C12orf42: variants seen among roughly 807,000 people sequenced by gnomAD.
C12orf42 encodes the protein uncharacterized protein C12orf42.
A neutral mutation model predicts 21.6 loss-of-function variants in C12orf42; 25 were observed. That is an observed-to-expected ratio of 1.16 (90% confidence interval 0.84 to 1.62). The LOEUF is 1.62. Ranked by LOEUF, C12orf42 falls within the 40% of genes most tolerant of loss-of-function variation. The probability of loss-of-function intolerance (pLI) is 0.00; values close to 1 mark genes in which losing one functional copy is unlikely to be tolerated. For synonymous variants in C12orf42, 174 were observed against 175.0 expected (o/e 0.99, Z 0.05); for missense variants, 483 against 459.3 (o/e 1.05, Z -0.47).
intron 2 of C12orf42, among the ~76,000 whole-genome samples, chr12:103,449,074 G>A (rs1951761090): frequency 6.7e-6 from 1 of 149,444 alleles, no homozygotes; most frequent in Non-Finnish European, 1.5e-5. Flanking sequence ...AGTGGATAAA[G>A]AAAATATGAT....
intron 4 of C12orf42, among the ~76,000 whole-genome samples, chr12:103,344,900 A>T (rs185825942): frequency 1.8e-4 from 28 of 152,342 alleles, no homozygotes; most frequent in African/African-American, 6.7e-4. Flanking sequence ...ACATGGTTCC[A>T]GTATAGGACA....
intron 10 of C12orf42, among the ~76,000 whole-genome samples, chr12:103,254,076 C>T (rs2034438960): frequency 2.0e-5 from 3 of 152,054 alleles, no homozygotes; most frequent in Non-Finnish European, 4.4e-5. Flanking sequence ...AATGGTATTC[C>T]CTAGATTTTC....
At chr12:103,249,066 ATGACCACAGAG>A (rs1328694420) in intron 10 of C12orf42, among the ~76,000 whole-genome samples, 1 of 152,000 alleles carries the variant, frequency 6.6e-6, no homozygotes, top group Admixed American at 6.6e-5. Context: ...TGCCATAGAG[ATGACCACAGAG>A]TGGAGGGAGG....
At chr12:103,497,877 TA>T (rs1169816736), upstream of C12orf42, among the ~76,000 whole-genome samples, 3 of 151,420 alleles carry the variant, frequency 2.0e-5, no homozygotes, top group African/African-American at 7.3e-5. Flanking sequence ...TAAAACAAAA[TA>T]AAAAAAATTA....
At chr12:103,208,955 G>A in the C12orf42 span, among the ~76,000 whole-genome samples, 5 of 152,100 alleles carry the variant, frequency 3.3e-5, no homozygotes, top group African/African-American at 7.2e-5. Context: ...AAACAAAGTC[G>A]AATTCTTTTT....
chr12:103,289,673 G>A (rs1000536997), intron 4 of C12orf42, among the ~76,000 whole-genome samples: 4 of 152,096 alleles, frequency 2.6e-5, no homozygotes, highest in Non-Finnish European at 4.4e-5. Flanking sequence ...GTAGATCACC[G>A]TTTGTTGATA....
At chr12:103,487,098 A>G (rs1371409378) in intron 1 of C12orf42, among the ~76,000 whole-genome samples, 2 of 152,198 alleles carry the variant, frequency 1.3e-5, no homozygotes, top group South Asian at 4.1e-4. Context: ...ATTTAGTGCT[A>G]TAAATTTCCC....
the C12orf42 span, among the ~76,000 whole-genome samples, chr12:103,229,551 G>T: frequency 6.6e-6 from 1 of 152,292 alleles, no homozygotes; most frequent in Non-Finnish European, 1.5e-5. Flanking sequence ...ACCATTTTGT[G>T]TGAAAAGAAA....
At chr12:103,170,078 G>A in the C12orf42 span, among the ~76,000 whole-genome samples, 1 of 152,162 alleles carries the variant, frequency 6.6e-6, no homozygotes, top group Non-Finnish European at 1.5e-5. Flanking sequence ...CTCCAGGCTT[G>A]AGTGGTGAAC....
At chr12:103,521,859 A>C in the C12orf42 span, among the ~76,000 whole-genome samples, 1 of 152,154 alleles carries the variant, frequency 6.6e-6, no homozygotes, top group Admixed American at 6.5e-5. Context: ...TGCCTGATTT[A>C]TGAATTGCTG....
chr12:103,342,669 C>T (rs1220443737), intron 4 of C12orf42, among the ~76,000 whole-genome samples: 1 of 114,774 alleles, frequency 8.7e-6, no homozygotes, highest in Admixed American at 1.2e-4. Context: ...CCCCCGCCCC[C>T]GCATCCCATC....
the C12orf42 span, among the ~76,000 whole-genome samples, chr12:103,203,766 G>A: frequency 0.041 from 6,204 of 152,194 alleles, 285 homozygotes; most frequent in East Asian, 0.24. Flanking sequence ...GTTGTTGCTT[G>A]ATATCAGAGA....
chr12:103,414,669 T>C (rs768292385), intron 2 of C12orf42, among the ~76,000 whole-genome samples: 2 of 152,136 alleles, frequency 1.3e-5, no homozygotes, highest in Non-Finnish European at 2.9e-5. Context: ...GTAAGTAGGA[T>C]TGTGTTCTTG....
chr12:103,397,816 C>G (rs879542875), intron 3 of C12orf42: 1 of 152,040 alleles, frequency 6.6e-6, no homozygotes, highest in Non-Finnish European at 1.5e-5. Context: ...TATAAACATG[C>G]ATTTAGATAG....
intron 2 of C12orf42, among the ~76,000 whole-genome samples, chr12:103,460,238 T>A (rs960461066): frequency 6.7e-6 from 1 of 150,022 alleles, no homozygotes; most frequent in Admixed American, 6.7e-5. Flanking sequence ...CTAGAGAGAC[T>A]GGTGGACATT....
At chr12:103,524,745 A>G in the C12orf42 span, among the ~76,000 whole-genome samples, 1 of 152,230 alleles carries the variant, frequency 6.6e-6, no homozygotes, top group African/African-American at 2.4e-5. Context: ...TCTGAGGTCC[A>G]TCAACAGATT....
intron 2 of C12orf42, among the ~76,000 whole-genome samples, chr12:103,464,195 T>C (rs1952940875): frequency 6.6e-6 from 1 of 152,170 alleles, no homozygotes; most frequent in Admixed American, 6.5e-5. Context: ...CCACCAACAG[T>C]GTAAAAGCCT....
intron 4 of C12orf42, among the ~76,000 whole-genome samples, chr12:103,315,009 A>G (rs2039322275): frequency 6.6e-6 from 1 of 152,224 alleles, no homozygotes. Flanking sequence ...CTCAAAGTCC[A>G]GAGAATAGGA....
chr12:103,048,106 T>A, the C12orf42 span, among the ~76,000 whole-genome samples: 3 of 151,670 alleles, frequency 2.0e-5, no homozygotes, highest in Non-Finnish European at 4.4e-5. Flanking sequence ...CTGACTAGGA[T>A]GTGCAGGAAG....
Sources: gnomAD v4.1 joint callset for allele counts (sites outside exome capture counted in the v4.1 genomes callset) on GRCh38, gnomAD v4.1.1 for gene constraint, MANE v1.5 for transcripts, NCBI Gene and HGNC (gene_info 2026-07-23, HGNC 2026-07-21) for gene names.